Variants in SGIP1 observed in about 807,000 individuals in gnomAD.
The protein encoded by SGIP1 is SH3-containing GRB2-like protein 3-interacting protein 1.
A neutral mutation model predicts 107.5 loss-of-function variants in SGIP1; 38 were observed. The observed-to-expected ratio is 0.35, with a 90% CI of 0.27 to 0.46. The LOEUF (loss-of-function observed/expected upper bound fraction) is 0.46. SGIP1 is among the 20% of genes least tolerant of loss of function. The pLI is 1.00. For missense variants in SGIP1, 929 were observed against 1,019.5 expected, an observed-to-expected ratio of 0.91 and a Z score of 1.21; for synonymous variants, 365 against 366.1, an observed-to-expected ratio of 1.00 and a Z score of 0.03.
chr1:66,640,025 T>A (rs1457259753), intron 5 of SGIP1, among the ~76,000 whole-genome samples, 192 bp downstream of exon 5: 1 of 152,200 alleles, frequency 6.6e-6, no homozygotes, highest in African/African-American at 2.4e-5. Flanking sequence ...TCCAAGCTTG[T>A]CTAACTTTAT....
intron 1 of SGIP1, among the ~76,000 whole-genome samples, chr1:66,566,757 A>G (rs1375950411): frequency 1.1e-4 from 16 of 151,928 alleles, no homozygotes; most frequent in Non-Finnish European, 1.9e-4. Context: ...GTTTTGTTAC[A>G]TAGGTATACA....
chr1:66,706,464 TTATA>T (rs1557697755), intron 18 of SGIP1, among the ~76,000 whole-genome samples: 4 of 146,758 alleles, frequency 2.7e-5, no homozygotes, highest in African/African-American at 7.4e-5. Context: ...ATAATATAAA[TTATA>T]AATATTTTAA....
At position 66,739,246 on chromosome 1, in the gene SGIP1, G is replaced by A. The variant is rs868557270; in HGVS notation, c.2032-89G>A. Reference sequence around the variant, plus strand: ...GTGCCTCTCACTCACGGTTGCTTGTGAGCAGCATAAACAACATATGACATT... The same window carrying A: ...GTGCCTCTCACTCACGGTTGCTTGTAAGCAGCATAAACAACATATGACATT... On this transcript the variant is annotated intron_variant, in intron 21 of 24. Coordinates refer to ENST00000371037, the MANE Select transcript of SGIP1 (RefSeq NM_032291.4). 1.3e-4 allele frequency: 182 copies of A among 1,431,444 alleles called. No individual in the cohort carries two copies. In the African/African-American group the frequency reaches 2.4e-3, roughly 19 times the overall value. The allele number at this position is 1,431,444 out of a possible 1,614,324, so 88.7% of individuals were successfully genotyped here. A position where few individuals can be genotyped will look rare whatever the true frequency, so the allele number is the denominator to read the frequency against.
intron 1 of SGIP1, among the ~76,000 whole-genome samples, chr1:66,557,978 C>T (rs1401350775): frequency 6.6e-6 from 1 of 152,080 alleles, no homozygotes; most frequent in African/African-American, 2.4e-5. Context: ...GGAGCATGAG[C>T]TCTGCGAGGA....
At chr1:66,628,457 C>T (rs2073462723) in intron 2 of SGIP1, 1 of 154,772 alleles carries the variant, frequency 6.5e-6, no homozygotes, top group Non-Finnish European at 1.5e-5. Context: ...GGGCCAGACA[C>T]TATACGAGTC....
chr1:66,672,000 G>A lies in SGIP1; in HGVS notation c.560+5G>A, dbSNP rs199919743. On this transcript the variant is annotated splice_donor_5th_base_variant and intron_variant, in intron 11 of 24. Coordinates refer to ENST00000371037, the MANE Select transcript of SGIP1 (RefSeq NM_032291.4). ...ACCAACTCCAGAACTTATAAGGTGAGTGTGAAAGACATTAGTTGTGTTTTA... is the reference window on the plus strand; with the variant it reads ...ACCAACTCCAGAACTTATAAGGTGAATGTGAAAGACATTAGTTGTGTTTTA... The A allele has an allele frequency of 1.2e-6, 2 of 1,613,704 alleles. No individual in the cohort carries two copies. The highest frequency in any genetic ancestry group is 1.7e-6 in the Non-Finnish European group (2 of 1,179,778).
chr1:66,566,102 A>T (rs891479705), intron 1 of SGIP1, among the ~76,000 whole-genome samples: 1 of 152,030 alleles, frequency 6.6e-6, no homozygotes, highest in Non-Finnish European at 1.5e-5. Context: ...TTTTATTGGG[A>T]GAAATTAACC....
intron 1 of SGIP1, among the ~76,000 whole-genome samples, chr1:66,566,053 A>G (rs912721564): frequency 6.6e-6 from 1 of 152,018 alleles, no homozygotes; most frequent in Non-Finnish European, 1.5e-5. Context: ...CAAACTAGCC[A>G]TTACACTGAA....
At chr1:66,626,002 G>T in intron 2 of SGIP1, 92 bp downstream of exon 2, 1 of 911,618 alleles carries the variant, frequency 1.1e-6, no homozygotes, top group Non-Finnish European at 1.7e-6. Context: ...CAGTTTTCTC[G>T]GATATTGTGT....
At chr1:66,695,535 C>T in intron 18 of SGIP1, 42 bp downstream of exon 18, 2 of 1,581,760 alleles carry the variant, frequency 1.3e-6, no homozygotes, top group Admixed American at 3.3e-5. Context: ...TTATACTCCT[C>T]CTCATCCTTA....
intron 1 of SGIP1, among the ~76,000 whole-genome samples, chr1:66,581,384 T>C (rs545947053): frequency 8.5e-5 from 13 of 152,084 alleles, no homozygotes; most frequent in Non-Finnish European, 1.8e-4. Context: ...AATGAAAGTA[T>C]TTATGATGTA....
intron 10 of SGIP1, 78 bp downstream of exon 10, chr1:66,671,097 C>A: frequency 5.8e-6 from 4 of 687,318 alleles, no homozygotes; most frequent in Non-Finnish European, 7.0e-6. Context: ...AGTATATGTA[C>A]ATATGAATTA....
At chr1:66,596,895 C>T (rs1045054654) in intron 1 of SGIP1, among the ~76,000 whole-genome samples, 1 of 151,916 alleles carries the variant, frequency 6.6e-6, no homozygotes, top group African/African-American at 2.4e-5. Flanking sequence ...GCAATTATTC[C>T]TTCAAAATAG....
At chr1:66,712,432 T>C (rs1485614882) in intron 18 of SGIP1, among the ~76,000 whole-genome samples, 1 of 152,180 alleles carries the variant, frequency 6.6e-6, no homozygotes, top group Non-Finnish European at 1.5e-5. Flanking sequence ...AACGCAGGCT[T>C]GCTCACTGCA....
In SGIP1 at chr1:66,739,317, T is replaced by C. The variant is rs747129986; in HGVS notation, c.2032-18T>C. On this transcript the variant is annotated intron_variant, in intron 21 of 24. Coordinates refer to ENST00000371037, the MANE Select transcript of SGIP1 (RefSeq NM_032291.4). ...TCCCTGTCATATGTTGTTATTTTCT[T>C]TCCTGTCGTTCGGCAAGGTGTCTGC... is the stretch of plus-strand genomic sequence containing the variant. The C allele has an allele frequency of 6.2e-7, 1 of 1,604,182 alleles. No individual in the cohort carries two copies. The highest frequency in any genetic ancestry group is 1.5e-5 in the African/African-American group (1 of 67,510).
intron 21 of SGIP1, among the ~76,000 whole-genome samples, chr1:66,735,319 G>A (rs1280371666): frequency 6.6e-6 from 1 of 151,952 alleles, no homozygotes; most frequent in African/African-American, 2.4e-5. Context: ...GGGTTCAAGC[G>A]ATCCTCCTGC....
chr1:66,553,380 A>G (rs1377040700), intron 1 of SGIP1, among the ~76,000 whole-genome samples: 1 of 152,140 alleles, frequency 6.6e-6, no homozygotes, highest in Non-Finnish European at 1.5e-5. Context: ...AAAGTCATCA[A>G]AAATGAGGCC....
At chr1:66,692,673 T>TG (rs2090125146) in intron 17 of SGIP1, among the ~76,000 whole-genome samples, 1 of 152,198 alleles carries the variant, frequency 6.6e-6, no homozygotes, top group African/African-American at 2.4e-5. Context: ...TCTCTGAGGT[T>TG]GGTAGCTCAA....
At chr1:66,670,166 G>A (rs1035892815) in intron 9 of SGIP1, among the ~76,000 whole-genome samples, 5 of 152,148 alleles carry the variant, frequency 3.3e-5, no homozygotes, top group African/African-American at 4.8e-5. Context: ...AACCATCCTG[G>A]TGGTCTAGTT....
Sources: gnomAD v4.1 joint callset for allele counts (sites outside exome capture counted in the v4.1 genomes callset) on GRCh38, gnomAD v4.1.1 for gene constraint, MANE v1.5 for transcripts, NCBI Gene and HGNC (gene_info 2026-07-23, HGNC 2026-07-21) for gene names.